The following FNDC1 variants were observed in gnomAD, a reference collection of about 807,000 sequenced individuals.
FNDC1 encodes fibronectin type III domain containing 1, also known as fibronectin type III domain-containing protein 1.
A neutral mutation model predicts 168.0 loss-of-function variants in FNDC1; 96 were observed. The ratio of observed to expected loss-of-function variants is 0.57; its 90% confidence interval spans 0.48 to 0.68. The LOEUF (loss-of-function observed/expected upper bound fraction) is 0.68. FNDC1 is among the 30% of genes least tolerant of loss of function. The pLI is 0.00. For missense variants in FNDC1, 2,587 were observed against 2,482.1 expected, an observed-to-expected ratio of 1.04 and a Z score of -0.90; for synonymous variants, 1,099 against 1,025.9, an observed-to-expected ratio of 1.07 and a Z score of -1.36.
intron 13 of FNDC1, among the ~76,000 whole-genome samples, chr6:159,239,121 T>TAAC (rs1176387048): frequency 3.3e-5 from 5 of 152,270 alleles, no homozygotes; most frequent in African/African-American, 1.2e-4. Context: ...ATGCACTGTC[T>TAAC]AACTCATTTT....
Position 159,266,217 on chromosome 6 carries a change from T to C in FNDC1, c.5418T>C (p.Tyr1806=). The change falls in exon 21 of 23, where the codon TAT becomes TAC. Residue 1806 remains tyrosine, a synonymous_variant. Coordinates refer to ENST00000297267, the MANE Select transcript of FNDC1 (RefSeq NM_032532.3). The stretch of plus-strand genomic sequence containing the variant: ...TTGTTCTTTGTAATTCACTGAGGTA[T>C]AAAATCTACCTCAGTGACAACCTGA... The part of the protein sequence containing the change: ...VGVVLCNSLR[Y]KIYLSDNLKD... 1 of 1,613,984 alleles carries C rather than the reference T, an allele frequency of 6.2e-7. No homozygotes were observed. The highest frequency in any genetic ancestry group is 8.5e-7 in the Non-Finnish European group (1 of 1,179,866).
Position 159,185,066 on chromosome 6 carries a change from G to GT in FNDC1, c.110-12364dup, listed in dbSNP as rs889286546. Among the ~76,000 whole-genome samples, 14 of 90,632 alleles carry GT rather than the reference G, an allele frequency of 1.5e-4. No homozygotes were observed. In the South Asian group the frequency reaches 2.5e-3, roughly 16 times the overall value. 59.5% of individuals were successfully genotyped at this position (90,632 alleles called of 152,430 possible). On this transcript the variant is annotated intron_variant, in intron 1 of 22. Transcript: ENST00000297267. ...GGAAAGCTGGTGGTTTATATGGAGGGTGGGGGGGGGGGAATCTTGTTTTTG... is the reference window on the plus strand; with the variant it reads ...GGAAAGCTGGTGGTTTATATGGAGGGTTGGGGGGGGGGGAATCTTGTTTTTG...
At chr6:159,261,080 T>C in intron 18 of FNDC1, 110 bp from the exon 19 acceptor site, 1 of 754,086 alleles carries the variant, frequency 1.3e-6, no homozygotes, top group Non-Finnish European at 2.2e-6. Context: ...TTGTAAAAAG[T>C]AGAACTCAAA....
intron 4 of FNDC1, among the ~76,000 whole-genome samples, chr6:159,203,689 A>G (rs1466421008): frequency 6.6e-6 from 1 of 152,150 alleles, no homozygotes; most frequent in Non-Finnish European, 1.5e-5. Context: ...CTGTTCATTT[A>G]TTGGAATACT....
rs76891565 is a variant in FNDC1 at position 159,212,636 on chromosome 6, G to A, written c.461-2309G>A. Among the ~76,000 whole-genome samples the A allele has an allele frequency of 1.2e-3, 181 of 152,264 alleles. 1 individual carries two copies. The highest frequency in any genetic ancestry group is 8.1e-3 in the East Asian group (42 of 5,186). On this transcript the variant is annotated intron_variant, in intron 4 of 22. Transcript: ENST00000297267. ...TCACTCTGGTTATTACCGAGACAGC[G>A]AGCTCCATGTTGTCTAGGGAACAGT...
At chr6:159,208,558 C>T (rs945963578) in intron 4 of FNDC1, among the ~76,000 whole-genome samples, 2 of 152,288 alleles carry the variant, frequency 1.3e-5, no homozygotes, top group South Asian at 2.1e-4. Context: ...ATTCGGCAGC[C>T]CAGCACAGCC....
At chr6:159,192,166 C>A (rs1782154648) in intron 1 of FNDC1, among the ~76,000 whole-genome samples, 2 of 152,186 alleles carry the variant, frequency 1.3e-5, no homozygotes, top group Admixed American at 1.3e-4. Context: ...ACGTGAGCCA[C>A]CACGCTCAGC....
intron 7 of FNDC1, 85 bp downstream of exon 7, chr6:159,223,730 T>C (rs989081688): frequency 1.3e-6 from 1 of 772,542 alleles, no homozygotes; most frequent in African/African-American, 1.8e-5. Context: ...TGATTTTATT[T>C]TCTGACTTAC....
In FNDC1 at chr6:159,223,546, T is replaced by C; in HGVS notation, c.785T>C (p.Val262Ala). 1.9e-6 allele frequency: 3 copies of C among 1,613,184 alleles called. No homozygotes were observed. The South Asian group carries it at 3.3e-5, about 18-fold the overall frequency. Reference protein sequence around the residue: ...RKISEEDELDVPDDISVRVMS... With the variant: ...RKISEEDELDAPDDISVRVMS... Reference sequence around the variant, plus strand: ...ATTTCAGAAGAGGACGAATTGGATGTACCTGACGACATCAGCGTCCGGGTT... The same window carrying C: ...ATTTCAGAAGAGGACGAATTGGATGCACCTGACGACATCAGCGTCCGGGTT... Residue 262 changes from valine (V) to alanine (A), a missense_variant, in exon 7 of 23, where the codon GTA becomes GCA. Physicochemically the swap from Val to Ala is moderately conservative, Grantham distance 64. Transcript: ENST00000297267.
chr6:159,188,665 A>G (rs1782059878), intron 1 of FNDC1, among the ~76,000 whole-genome samples: 1 of 151,444 alleles, frequency 6.6e-6, no homozygotes, highest in Admixed American at 6.6e-5. Flanking sequence ...GGCGTGAGCC[A>G]CTGCGCCCGG....
chr6:159,201,406 A>G (rs752003881), intron 4 of FNDC1, among the ~76,000 whole-genome samples: 3 of 152,208 alleles, frequency 2.0e-5, no homozygotes, highest in Non-Finnish European at 4.4e-5. Flanking sequence ...AAGGGGGTGG[A>G]AGAACAAAAC....
intron 12 of FNDC1, 71 bp from the exon 13 acceptor site, chr6:159,238,483 C>T (rs1783320115): frequency 2.0e-6 from 2 of 992,280 alleles, no homozygotes; most frequent in Non-Finnish European, 3.1e-6. Context: ...GGGGTATATA[C>T]ATATATAATT....
chr6:159,197,216 C>T (rs752763996), intron 1 of FNDC1, among the ~76,000 whole-genome samples: 25 of 152,200 alleles, frequency 1.6e-4, no homozygotes, highest in Admixed American at 3.9e-4. Context: ...TTACCACCTA[C>T]GGTTATCCAA....
chr6:159,235,492 A>G (rs1783231245), intron 11 of FNDC1, among the ~76,000 whole-genome samples: 1 of 152,176 alleles, frequency 6.6e-6, no homozygotes. Context: ...CAGGAACTCC[A>G]TAAATATTTA....
chr6:159,259,193 T>C (rs7755314), intron 18 of FNDC1, among the ~76,000 whole-genome samples: 13,384 of 152,306 alleles, frequency 0.088, 1,077 homozygotes, highest in East Asian at 0.33. Context: ...ATGAAATGTA[T>C]ACTTTAGCCC....
chr6:159,251,649 A>G lies in FNDC1; in HGVS notation c.5065+117A>G. 3 of 815,556 alleles carry G rather than the reference A, an allele frequency of 3.7e-6. No homozygotes were observed. The Admixed American group carries it at 6.3e-5, about 17-fold the overall frequency. 50.5% of individuals were successfully genotyped at this position (815,556 alleles called of 1,614,324 possible). On this transcript the variant is annotated intron_variant, in intron 17 of 22. Coordinates refer to ENST00000297267, the MANE Select transcript of FNDC1 (RefSeq NM_032532.3). ...TGGATGAGTGGGTTGGATGGGTTGGATGGATGAATGGGATGATGGATAGAT... is the reference window on the plus strand; with the variant it reads ...TGGATGAGTGGGTTGGATGGGTTGGGTGGATGAATGGGATGATGGATAGAT...
intron 19 of FNDC1, among the ~76,000 whole-genome samples, chr6:159,264,160 A>G (rs1777547008): frequency 6.6e-6 from 1 of 152,210 alleles, no homozygotes; most frequent in African/African-American, 2.4e-5. Flanking sequence ...CCATGAAGCC[A>G]TTGTCACTGT....
At chr6:159,208,874 T>C (rs1417584278) in intron 4 of FNDC1, among the ~76,000 whole-genome samples, 1 of 129,306 alleles carries the variant, frequency 7.7e-6, no homozygotes, top group Admixed American at 8.6e-5. Flanking sequence ...TGAGACAGAG[T>C]CTCGCTCTTC....
chr6:159,251,597 T>C, intron 17 of FNDC1, 65 bp downstream of exon 17: 1 of 1,412,990 alleles, frequency 7.1e-7, no homozygotes, highest in East Asian at 2.4e-5. Context: ...CAATAAAGAA[T>C]GGTGGATGAG....
Sources: allele counts gnomAD v4.1 joint callset (sites outside exome capture counted in the v4.1 genomes callset), GRCh38; gene constraint gnomAD v4.1.1; transcripts MANE v1.5; gene names NCBI Gene and HGNC (gene_info 2026-07-23, HGNC 2026-07-21).